The following DCLK1 variants were observed in gnomAD, a reference collection of about 807,000 sequenced individuals.
DCLK1 encodes serine/threonine-protein kinase DCLK1.
In DCLK1, 16 loss-of-function variants were observed where a neutral mutation model predicts 86.2. The observed-to-expected ratio is 0.19, with a 90% CI of 0.13 to 0.28. The LOEUF (loss-of-function observed/expected upper bound fraction) is 0.28. Among genes scored for constraint, DCLK1 ranks in the 10% least tolerant of loss-of-function variants. The pLI is 1.00. For missense variants in DCLK1, 590 were observed against 940.2 expected (o/e 0.63, Z 4.87); for synonymous variants, 369 against 370.5 (o/e 1.00, Z 0.05).
intron 3 of DCLK1, among the ~76,000 whole-genome samples, chr13:36,047,707 G>A (rs1882969467): frequency 6.6e-6 from 1 of 151,816 alleles, no homozygotes; most frequent in African/African-American, 2.4e-5. Flanking sequence ...GAATATGTTG[G>A]TTAAAAGATA....
At chr13:35,958,002 T>TGC (rs1208883691) in intron 3 of DCLK1, among the ~76,000 whole-genome samples, 1 of 61,428 alleles carries the variant, frequency 1.6e-5, no homozygotes, top group Non-Finnish European at 3.2e-5. Context: ...ACCACCACCA[T>TGC]TATCACCATC....
At chr13:35,932,335 G>C (rs781422548) in intron 4 of DCLK1, among the ~76,000 whole-genome samples, 6 of 152,114 alleles carry the variant, frequency 3.9e-5, no homozygotes, top group Non-Finnish European at 7.3e-5. Context: ...TGGGTCACCA[G>C]CTTATAAACC....
At chr13:35,985,403 A>G (rs79421901) in intron 3 of DCLK1, among the ~76,000 whole-genome samples, 1 of 151,088 alleles carries the variant, frequency 6.6e-6, no homozygotes, top group Non-Finnish European at 1.5e-5. Context: ...AAAAAAAAAA[A>G]TTGGAGTACT....
chr13:35,794,162 T>C (rs536634766), intron 15 of DCLK1, among the ~76,000 whole-genome samples: 1 of 152,324 alleles, frequency 6.6e-6, no homozygotes, highest in South Asian at 2.1e-4. Flanking sequence ...TAAATACTGT[T>C]AGAATCACAA....
intron 3 of DCLK1, among the ~76,000 whole-genome samples, chr13:36,068,041 T>G (rs1380185910): frequency 6.6e-6 from 1 of 152,190 alleles, no homozygotes; most frequent in Non-Finnish European, 1.5e-5. Context: ...AGAAAAAACT[T>G]AAGTATTAAG....
intron 3 of DCLK1, among the ~76,000 whole-genome samples, chr13:36,086,792 A>G (rs1265849343): frequency 1.3e-5 from 2 of 152,180 alleles, no homozygotes; most frequent in Non-Finnish European, 2.9e-5. Flanking sequence ...CCTGCAAAGG[A>G]CATGAACTCA....
intron 4 of DCLK1, among the ~76,000 whole-genome samples, chr13:35,881,806 G>A (rs545093280): frequency 6.6e-6 from 1 of 152,168 alleles, no homozygotes; most frequent in Admixed American, 6.5e-5. Context: ...TGAGGGGCAT[G>A]TCGTGTGAAA....
intron 16 of DCLK1, among the ~76,000 whole-genome samples, chr13:35,786,794 C>G (rs926207589): frequency 5.3e-5 from 8 of 152,134 alleles, no homozygotes; most frequent in African/African-American, 1.9e-4. Context: ...CTTTCTACAT[C>G]CATAAGGCCA....
At chr13:35,958,203 A>ACCAG (rs1237844855) in intron 3 of DCLK1, among the ~76,000 whole-genome samples, 10 of 89,770 alleles carry the variant, frequency 1.1e-4, no homozygotes, top group African/African-American at 3.8e-4. Flanking sequence ...CACCACCACC[A>ACCAG]TTATAACCAT....
At chr13:35,866,027 G>C (rs1272679307) in intron 5 of DCLK1, among the ~76,000 whole-genome samples, 1 of 152,094 alleles carries the variant, frequency 6.6e-6, no homozygotes, top group East Asian at 1.9e-4. Flanking sequence ...GAAGAAATAG[G>C]TATCAAGGAC....
intron 14 of DCLK1, among the ~76,000 whole-genome samples, chr13:35,807,971 T>C (rs998992611): frequency 6.6e-6 from 1 of 152,180 alleles, no homozygotes; most frequent in Admixed American, 6.5e-5. Flanking sequence ...CAAGAGGCTA[T>C]AGCAATGTCA....
Position 35,825,589 on chromosome 13 carries a change from TG to T in DCLK1, c.1407+2045del, listed in dbSNP as rs560660104. On this transcript the variant is annotated intron_variant, in intron 10 of 16. Coordinates refer to ENST00000360631, the MANE Select transcript of DCLK1 (RefSeq NM_001330071.2). ...CAGCACTCCAAAAATCAGCCAACAG[TG>T]GGGGTAAGTCAATAATAACGGGGGG... 3.6e-3 allele frequency among the ~76,000 whole-genome samples: 554 copies of T among 151,896 alleles called. 2 individuals are homozygous for T. Among genetic ancestry groups the T allele is most frequent in the African/African-American group, 0.013 (519 of 41,426 alleles).
intron 3 of DCLK1, among the ~76,000 whole-genome samples, chr13:36,063,737 T>G (rs1187265878): frequency 6.6e-6 from 1 of 152,212 alleles, no homozygotes; most frequent in African/African-American, 2.4e-5. Flanking sequence ...TATTGGACAA[T>G]AATATTTGGT....
intron 4 of DCLK1, among the ~76,000 whole-genome samples, chr13:35,894,022 C>A (rs1197092940): frequency 6.6e-6 from 1 of 152,154 alleles, no homozygotes; most frequent in African/African-American, 2.4e-5. Flanking sequence ...TATAAAATCA[C>A]CTTCAAGCTT....
intron 3 of DCLK1, among the ~76,000 whole-genome samples, chr13:36,014,697 A>T (rs1237498181): frequency 6.6e-6 from 1 of 152,240 alleles, no homozygotes; most frequent in East Asian, 1.9e-4. Context: ...GTCTGTAAAA[A>T]AATTAGTCTT....
chr13:35,900,242 CT>C (rs71081294), intron 4 of DCLK1, among the ~76,000 whole-genome samples: 8,623 of 141,786 alleles, frequency 0.061, 777 homozygotes, highest in African/African-American at 0.21. Context: ...ACTAAATAAA[CT>C]TTTTTTTTTT....
At chr13:35,866,524 C>G (rs942201550) in intron 5 of DCLK1, among the ~76,000 whole-genome samples, 8 of 150,110 alleles carry the variant, frequency 5.3e-5, no homozygotes, top group African/African-American at 2.0e-4. Context: ...GCAATCTCGA[C>G]TCACTGCAAC....
intron 2 of DCLK1, among the ~76,000 whole-genome samples, chr13:36,123,692 A>G (rs1354360937): frequency 1.3e-5 from 2 of 152,252 alleles, no homozygotes; most frequent in Non-Finnish European, 1.5e-5. Flanking sequence ...TAATATAAGG[A>G]TAACAGTTCC....
intron 12 of DCLK1, among the ~76,000 whole-genome samples, chr13:35,810,383 T>G (rs2153102861): frequency 6.6e-6 from 1 of 152,322 alleles, no homozygotes; most frequent in Middle Eastern, 3.4e-3. Flanking sequence ...AGGGTGTTTG[T>G]ACTCCACGGA....
Sources: allele counts gnomAD v4.1 joint callset (sites outside exome capture counted in the v4.1 genomes callset), GRCh38; gene constraint gnomAD v4.1.1; transcripts MANE v1.5; gene names NCBI Gene and HGNC (gene_info 2026-07-23, HGNC 2026-07-21).